Variants in IQCM observed in about 807,000 individuals in gnomAD.
The protein encoded by IQCM is IQ domain-containing protein M.
In IQCM, 45 loss-of-function variants were observed where a neutral mutation model predicts 57.6. The ratio of observed to expected loss-of-function variants is 0.78; its 90% confidence interval spans 0.62 to 1.00. The LOEUF is 1.00. Among genes scored for constraint, IQCM ranks in the 50% least tolerant of loss-of-function variants. IQCM has a pLI of 0.00. For missense variants in IQCM, 468 were observed against 511.6 expected (o/e 0.91, Z 0.82); for synonymous variants, 148 against 158.9 (o/e 0.93, Z 0.51).
At chr4:149,454,120 T>A (rs972934547) in intron 12 of IQCM, among the ~76,000 whole-genome samples, 1 of 147,900 alleles carries the variant, frequency 6.8e-6, no homozygotes, top group Non-Finnish European at 1.5e-5. Flanking sequence ...TAAATTCCGA[T>A]AAAGGTAGAC....
rs1042886629 is a variant in IQCM, at chr4:149,519,230, TTGAC to T, written c.1228+29221_1228+29224del. On this transcript the variant is annotated intron_variant, in intron 12 of 13. Transcript: ENST00000636793. ...TTTTCTACTGGTGTTTAGTGAGTGT[TTGAC>T]TGTACCATTTTGAATCATTGGAAAA... Among the ~76,000 whole-genome samples, 27 of 152,330 alleles carry T rather than the reference TTGAC, an allele frequency of 1.8e-4. 1 individual carries two copies. The highest frequency in any genetic ancestry group is 8.8e-5 in the Non-Finnish European group (6 of 68,038).
chr4:149,682,169 G>T lies in IQCM; in HGVS notation c.514C>A (p.His172Asn), dbSNP rs1211589502. 2.4e-5 allele frequency: 29 copies of T among 1,225,624 alleles called. No individual in the cohort carries two copies. In the East Asian group the frequency reaches 7.6e-4, roughly 32 times the overall value. The allele number at this position is 1,225,624 out of a possible 1,614,324, so 75.9% of individuals were successfully genotyped here. ...MLELLYPFPV[H>N]LYLQPGTSNL... ...GAGGTCCCAGGTTGTAAGTAAAGAT[G>T]GACAGGAAAGGGATAGAGTAATTCC... The change falls in exon 7 of 14, where the codon CAT becomes AAT. Residue 172 changes from histidine (H) to asparagine (N), a missense_variant. Coordinates refer to ENST00000636793, the MANE Select transcript of IQCM (RefSeq NM_001363507.2).
chr4:149,484,024 C>T (rs571500048), intron 12 of IQCM, among the ~76,000 whole-genome samples: 2 of 151,994 alleles, frequency 1.3e-5, no homozygotes, highest in African/African-American at 4.8e-5. Context: ...AATGTAGTGA[C>T]CTTCTTTGTC....
At chr4:149,643,683 C>A (rs1411077757) in intron 7 of IQCM, among the ~76,000 whole-genome samples, 1 of 152,124 alleles carries the variant, frequency 6.6e-6, no homozygotes, top group Non-Finnish European at 1.5e-5. Context: ...CCAGTCAAAA[C>A]CCAGAAGTTG....
At chr4:149,499,139 T>G (rs978989077) in intron 12 of IQCM, among the ~76,000 whole-genome samples, 1 of 152,134 alleles carries the variant, frequency 6.6e-6, no homozygotes, top group African/African-American at 2.4e-5. Context: ...AAGCATATAT[T>G]CAATTTTCCA....
chr4:149,494,617 G>A (rs1230173928), intron 12 of IQCM, among the ~76,000 whole-genome samples: 3 of 152,042 alleles, frequency 2.0e-5, no homozygotes, highest in Non-Finnish European at 4.4e-5. Flanking sequence ...AACAGGGCAA[G>A]CCTTCAGCAC....
chr4:149,719,815 G>A (rs1292561437), intron 5 of IQCM, among the ~76,000 whole-genome samples: 1 of 152,170 alleles, frequency 6.6e-6, no homozygotes, highest in African/African-American at 2.4e-5. Flanking sequence ...AAAGCTGACA[G>A]GTGACATAAC....
intron 13 of IQCM, among the ~76,000 whole-genome samples, chr4:149,361,159 G>T (rs1291652412): frequency 4.6e-5 from 7 of 152,178 alleles, no homozygotes; most frequent in Non-Finnish European, 8.8e-5. Context: ...TGAGAAAGAT[G>T]ATTTAGGGTA....
chr4:149,665,037 G>T (rs1050600333), intron 7 of IQCM, among the ~76,000 whole-genome samples: 1 of 152,146 alleles, frequency 6.6e-6, no homozygotes, highest in Non-Finnish European at 1.5e-5. Context: ...TAGGCTCTGG[G>T]CAGTCAGAAT....
At chr4:149,577,952 T>C (rs1450417757) in intron 9 of IQCM, among the ~76,000 whole-genome samples, 1 of 151,820 alleles carries the variant, frequency 6.6e-6, no homozygotes, top group African/African-American at 2.4e-5. Context: ...CCTGGTTAGG[T>C]GTATTTGTAG....
chr4:149,618,141 G>T (rs1442152840), intron 8 of IQCM, among the ~76,000 whole-genome samples: 2 of 152,062 alleles, frequency 1.3e-5, no homozygotes, highest in South Asian at 2.1e-4. Flanking sequence ...GCGTGACATT[G>T]GTTCAAAAAT....
intron 5 of IQCM, among the ~76,000 whole-genome samples, chr4:149,727,589 C>T (rs1483260598): frequency 6.6e-6 from 1 of 152,098 alleles, no homozygotes; most frequent in Non-Finnish European, 1.5e-5. Flanking sequence ...GCTTAACTGT[C>T]CGAAACCTTC....
At chr4:149,431,845 T>A (rs1343697015) in intron 13 of IQCM, among the ~76,000 whole-genome samples, 1 of 151,946 alleles carries the variant, frequency 6.6e-6, no homozygotes, top group East Asian at 1.9e-4. Flanking sequence ...CAAATTTTTA[T>A]GGATGAACCA....
At chr4:149,369,945 G>T (rs1730246400) in intron 13 of IQCM, among the ~76,000 whole-genome samples, 1 of 152,048 alleles carries the variant, frequency 6.6e-6, no homozygotes. Flanking sequence ...ACTCAGGTTG[G>T]AGTGCAGTGG....
chr4:149,594,970 G>T (rs1459044263), intron 8 of IQCM, among the ~76,000 whole-genome samples: 1 of 152,088 alleles, frequency 6.6e-6, no homozygotes, highest in Non-Finnish European at 1.5e-5. Flanking sequence ...TGTCTATTAG[G>T]TCCACTTGGT....
Position 149,733,298 on chromosome 4 carries a change from GT to G in IQCM, c.330del (p.Glu110AspfsTer14). 8.1e-7 allele frequency: 1 copy of G among 1,231,522 alleles called. No homozygotes were observed. Among genetic ancestry groups the G allele is most frequent in the African/African-American group, 1.6e-5 (1 of 64,244 alleles). 76.3% of individuals were successfully genotyped at this position (1,231,522 alleles called of 1,614,324 possible). A position where few individuals can be genotyped will look rare whatever the true frequency, so the allele number is the denominator to read the frequency against. ...CTTTCTCTTCTACTAAAAATGTGTG[GT>G]TCCTTGAAGGAGATTCGTTGTGGGG... ...QEPPQRISFK[E>X]PHIFSRRERC... On this transcript the variant is annotated frameshift_variant, in exon 5 of 14. Transcript: ENST00000636793. LOFTEE classifies it high-confidence loss of function.
chr4:149,450,843 A>C (rs1335997030), intron 12 of IQCM, among the ~76,000 whole-genome samples: 1 of 151,870 alleles, frequency 6.6e-6, no homozygotes, highest in Non-Finnish European at 1.5e-5. Flanking sequence ...CATACGATCT[A>C]GCAATCCCAC....
intron 13 of IQCM, among the ~76,000 whole-genome samples, chr4:149,424,480 G>A (rs1358853002): frequency 6.6e-6 from 1 of 151,660 alleles, no homozygotes; most frequent in Non-Finnish European, 1.5e-5. Flanking sequence ...AAATAAATGT[G>A]CATCAAAATG....
intron 10 of IQCM, among the ~76,000 whole-genome samples, chr4:149,553,789 A>G (rs1749271886): frequency 6.6e-6 from 1 of 152,106 alleles, no homozygotes; most frequent in African/African-American, 2.4e-5. Context: ...TTGAATATTC[A>G]AGAAATTAAC....
Sources: allele counts gnomAD v4.1 joint callset (sites outside exome capture counted in the v4.1 genomes callset), GRCh38; gene constraint gnomAD v4.1.1; transcripts MANE v1.5; gene names NCBI Gene and HGNC (gene_info 2026-07-23, HGNC 2026-07-21).